Variants in ARHGAP29 observed in about 807,000 individuals in gnomAD.
ARHGAP29 encodes rho GTPase-activating protein 29.
A neutral mutation model predicts 122.6 loss-of-function variants in ARHGAP29; 43 were observed. That is an observed-to-expected ratio of 0.35 (90% CI 0.27 to 0.45). ARHGAP29 has a LOEUF of 0.45. Among genes scored for constraint, ARHGAP29 ranks in the 20% least tolerant of loss-of-function variants. The probability of loss-of-function intolerance (pLI) is 1.00; values close to 1 mark genes in which losing one functional copy is unlikely to be tolerated. For synonymous variants in ARHGAP29, 506 were observed against 497.1 expected, an observed-to-expected ratio of 1.02 and a Z score of -0.24; for missense variants, 1,303 against 1,477.2, an observed-to-expected ratio of 0.88 and a Z score of 1.93.
At chr1:94,300,958 C>T in the ARHGAP29 span, among the ~76,000 whole-genome samples, 5 of 152,304 alleles carry the variant, frequency 3.3e-5, no homozygotes, top group South Asian at 2.1e-4. Context: ...GACACACTAA[C>T]GAGTTTGAGA....
intron 1 of ARHGAP29, among the ~76,000 whole-genome samples, chr1:94,265,527 A>G (rs1654736503): frequency 6.6e-6 from 1 of 152,212 alleles, no homozygotes; most frequent in Non-Finnish European, 1.5e-5. Context: ...TGGGAAGGAA[A>G]GTGGATAATA....
the ARHGAP29 span, among the ~76,000 whole-genome samples, chr1:94,287,554 G>A: frequency 1.2e-3 from 183 of 152,038 alleles, no homozygotes; most frequent in African/African-American, 4.2e-3. Context: ...TGCACAACTT[G>A]CAGGTTTGTT....
At chr1:94,192,177 T>A (rs1650168553) in intron 12 of ARHGAP29, 1 of 152,154 alleles carries the variant, frequency 6.6e-6, no homozygotes. Context: ...GTTTTCTGGT[T>A]CAGATGCAGT....
chr1:94,177,371 C>A, intron 22 of ARHGAP29: 1 of 331,636 alleles, frequency 3.0e-6, no homozygotes, highest in Non-Finnish European at 5.5e-6. Context: ...TCAGAAGGAA[C>A]ACAAAAAACA....
chr1:94,231,473 C>T lies in ARHGAP29; in HGVS notation c.139G>A (p.Glu47Lys). The change falls in exon 2 of 23, where the codon GAG (glutamate) becomes AAG (lysine). Residue 47 changes from glutamate to lysine, a missense_variant. By Grantham distance (56) the Glu-to-Lys change is moderately conservative (BLOSUM62 1). This residue lies in a region of ARHGAP29 where 592 missense variants were observed against 648.2 expected (regional missense o/e 0.91). Transcript: ENST00000260526. ...AACTTCCTGATATCATTCACCAACTCCTTGATGTAATCCGGATCAAAAATA... is the reference window on the plus strand; with the variant it reads ...AACTTCCTGATATCATTCACCAACTTCTTGATGTAATCCGGATCAAAAATA... The part of the protein sequence containing the change: ...NSIFDPDYIK[E>K]LVNDIRKFSH... 1 of 1,613,754 alleles carries T rather than the reference C, an allele frequency of 6.2e-7. No individual in the cohort carries two copies. Among genetic ancestry groups the T allele is most frequent in the Non-Finnish European group, 8.5e-7 (1 of 1,179,714 alleles).
At chr1:94,263,410 T>C (rs112274678) in intron 1 of ARHGAP29, among the ~76,000 whole-genome samples, 9 of 150,960 alleles carry the variant, frequency 6.0e-5, no homozygotes, top group Non-Finnish European at 1.0e-4. Context: ...AAAAAAAGGT[T>C]TGGGGTCTTG....
chr1:94,228,070 T>C (rs1487031008), intron 2 of ARHGAP29, among the ~76,000 whole-genome samples: 1 of 151,754 alleles, frequency 6.6e-6, no homozygotes, highest in Non-Finnish European at 1.5e-5. Context: ...CCAGCAAGAA[T>C]AGAATATTTT....
At chr1:94,282,968 C>T in the ARHGAP29 span, among the ~76,000 whole-genome samples, 1 of 152,082 alleles carries the variant, frequency 6.6e-6, no homozygotes, top group Non-Finnish European at 1.5e-5. Flanking sequence ...CCCTCCTATC[C>T]CTCCTACTCT....
intron 12 of ARHGAP29, among the ~76,000 whole-genome samples, chr1:94,197,228 A>G (rs1650533111): frequency 6.6e-6 from 1 of 152,174 alleles, no homozygotes; most frequent in Non-Finnish European, 1.5e-5. Flanking sequence ...AGAGAATACT[A>G]CAAGACACAC....
the ARHGAP29 span, among the ~76,000 whole-genome samples, chr1:94,288,860 T>C: frequency 6.6e-6 from 1 of 152,206 alleles, no homozygotes; most frequent in African/African-American, 2.4e-5. Flanking sequence ...GGTCTATATC[T>C]CTGTTTTGGT....
At chr1:94,308,509 T>C in the ARHGAP29 span, among the ~76,000 whole-genome samples, 1 of 152,202 alleles carries the variant, frequency 6.6e-6, no homozygotes, top group Non-Finnish European at 1.5e-5. Context: ...AAAACTAATG[T>C]GTAAGGCCTA....
intron 5 of ARHGAP29, among the ~76,000 whole-genome samples, chr1:94,208,589 A>G (rs1225691932): frequency 1.3e-5 from 2 of 151,808 alleles, no homozygotes; most frequent in African/African-American, 4.8e-5. Flanking sequence ...CCTCCTGAGT[A>G]GCTGGGATTA....
chr1:94,236,430 T>C (rs990828606), intron 1 of ARHGAP29, among the ~76,000 whole-genome samples: 9 of 151,990 alleles, frequency 5.9e-5, no homozygotes, highest in African/African-American at 1.2e-4. Flanking sequence ...GCAACCAAAA[T>C]GGACAGCCGA....
rs370768847 is a variant in ARHGAP29 at position 94,232,577 on chromosome 1, T to C, written c.-32-934A>G. ...AGAATTTAGATTTGAATCCTGGCTC[T>C]AGTATTTTCTAGATATGTGACCAGT... On this transcript the variant is annotated intron_variant, in intron 1 of 22. Coordinates refer to ENST00000260526, the MANE Select transcript of ARHGAP29 (RefSeq NM_004815.4). 2.0e-5 allele frequency among the ~76,000 whole-genome samples: 3 copies of C among 152,316 alleles called. No homozygotes were observed. In the East Asian group the frequency reaches 5.8e-4, roughly 29 times the overall value.
At chr1:94,224,323 CCTATT>C (rs1229798123) in intron 2 of ARHGAP29, among the ~76,000 whole-genome samples, 1 of 152,094 alleles carries the variant, frequency 6.6e-6, no homozygotes, top group Non-Finnish European at 1.5e-5. Context: ...ATTTCTATCC[CCTATT>C]CTAATGTTTT....
chr1:94,223,068 C>T (rs577457127), intron 2 of ARHGAP29, among the ~76,000 whole-genome samples: 90 of 151,980 alleles, frequency 5.9e-4, no homozygotes, highest in African/African-American at 2.1e-3. Flanking sequence ...CTCAGCCTCC[C>T]GAGTAGTTGG....
chr1:94,230,575 CTT>C (rs1491539045), intron 2 of ARHGAP29, among the ~76,000 whole-genome samples: 4 of 151,600 alleles, frequency 2.6e-5, no homozygotes, highest in Non-Finnish European at 3.0e-5. Context: ...AAGTATTTAA[CTT>C]ATATATATAC....
chr1:94,220,155 C>G (rs1557870683), intron 3 of ARHGAP29, 103 bp downstream of exon 3: 1 of 1,290,206 alleles, frequency 7.8e-7, no homozygotes, highest in Non-Finnish European at 1.1e-6. Flanking sequence ...ATACATCACA[C>G]AAATGCAATG....
chr1:94,230,594 A>C (rs115045723), intron 2 of ARHGAP29, among the ~76,000 whole-genome samples: 18 of 151,920 alleles, frequency 1.2e-4, no homozygotes, highest in African/African-American at 3.9e-4. Flanking sequence ...ATACATAGAA[A>C]TATTTATTGA....
Sources: gnomAD v4.1 joint callset for allele counts (sites outside exome capture counted in the v4.1 genomes callset) on GRCh38, gnomAD v4.1.1 for gene constraint, gnomAD v4.1.1 regional missense constraint, MANE v1.5 for transcripts, NCBI Gene and HGNC (gene_info 2026-07-23, HGNC 2026-07-21) for gene names.